Variants in RAB3C observed in about 807,000 individuals in gnomAD.
RAB3C encodes RAB3C, member RAS oncogene family.
RAB3C carries 17 observed loss-of-function variants against 26.4 expected under a neutral mutation model. That is an observed-to-expected ratio of 0.64 (90% CI 0.44 to 0.97). The LOEUF is 0.97. Ranked by LOEUF, RAB3C falls within the 50% of genes least tolerant of loss-of-function variation. The pLI, the probability that RAB3C is intolerant of heterozygous loss-of-function variation, is 0.00. For missense variants in RAB3C, 242 were observed against 281.9 expected (o/e 0.86, Z 1.01); for synonymous variants, 91 against 95.9 (o/e 0.95, Z 0.30).
intron 3 of RAB3C, among the ~76,000 whole-genome samples, chr5:58,792,522 A>G (rs1742550731): frequency 2.6e-5 from 4 of 152,134 alleles, no homozygotes; most frequent in Admixed American, 2.6e-4. Context: ...GCAAGGGACT[A>G]GTACAGTGCA....
chr5:58,743,207 G>A (rs995535844), intron 3 of RAB3C, among the ~76,000 whole-genome samples: 1 of 152,156 alleles, frequency 6.6e-6, no homozygotes, highest in Non-Finnish European at 1.5e-5. Flanking sequence ...ATGAGGAAAA[G>A]AGGAGAAAAA....
At chr5:58,828,835 G>A (rs921298641) in intron 4 of RAB3C, among the ~76,000 whole-genome samples, 3 of 101,450 alleles carry the variant, frequency 3.0e-5, no homozygotes, top group Non-Finnish European at 6.6e-5. Flanking sequence ...CGAGTGTTTG[G>A]AGAGGGTAGG....
chr5:58,845,226 A>G (rs1024064402), intron 4 of RAB3C, among the ~76,000 whole-genome samples: 4 of 152,060 alleles, frequency 2.6e-5, no homozygotes, highest in African/African-American at 9.7e-5. Context: ...ATCAATGTGA[A>G]AAGGCCTCAG....
intron 2 of RAB3C, among the ~76,000 whole-genome samples, chr5:58,714,927 T>C (rs1364223041): frequency 6.6e-6 from 1 of 151,964 alleles, no homozygotes; most frequent in Non-Finnish European, 1.5e-5. Flanking sequence ...AAAATATTAG[T>C]GGGCCAATTT....
At chr5:58,753,106 T>C (rs1741570142) in intron 3 of RAB3C, among the ~76,000 whole-genome samples, 1 of 152,244 alleles carries the variant, frequency 6.6e-6, no homozygotes, top group Non-Finnish European at 1.5e-5. Flanking sequence ...TAAATATTCA[T>C]TGAATCAATT....
intron 3 of RAB3C, chr5:58,784,703 A>G (rs953900051): frequency 6.6e-6 from 1 of 152,228 alleles, no homozygotes; most frequent in African/African-American, 2.4e-5. Context: ...GGGTAAGTGT[A>G]AAGAAAGAGA....
At chr5:58,727,778 A>C (rs1740922686) in intron 3 of RAB3C, among the ~76,000 whole-genome samples, 1 of 151,994 alleles carries the variant, frequency 6.6e-6, no homozygotes, top group Non-Finnish European at 1.5e-5. Context: ...GTGCTATTAT[A>C]AGTTTTCCAA....
At chr5:58,758,492 G>T (rs1283157812) in intron 3 of RAB3C, among the ~76,000 whole-genome samples, 3 of 152,072 alleles carry the variant, frequency 2.0e-5, no homozygotes, top group East Asian at 1.9e-4. Context: ...GAGTCTAAAA[G>T]AATATTTTTT....
intron 2 of RAB3C, among the ~76,000 whole-genome samples, chr5:58,711,870 G>A (rs1174867207): frequency 6.6e-6 from 1 of 152,088 alleles, no homozygotes. Flanking sequence ...TTAAAGATAG[G>A]GAGGGTGTGA....
chr5:58,712,520 C>T (rs533851600), intron 2 of RAB3C, among the ~76,000 whole-genome samples: 79 of 152,094 alleles, frequency 5.2e-4, no homozygotes, highest in African/African-American at 1.9e-3. Context: ...AAAGAATAGC[C>T]ATTTGATAGA....
chr5:58,708,908 A>C (rs1256523500), intron 2 of RAB3C, among the ~76,000 whole-genome samples: 1 of 152,232 alleles, frequency 6.6e-6, no homozygotes, highest in Non-Finnish European at 1.5e-5. Context: ...TTTCTCCAAC[A>C]ATAACATTCT....
At chr5:58,667,269 T>C (rs1344061025) in intron 2 of RAB3C, among the ~76,000 whole-genome samples, 1 of 152,198 alleles carries the variant, frequency 6.6e-6, no homozygotes, top group Non-Finnish European at 1.5e-5. Context: ...GACAGAGTTC[T>C]AGCAAGTGAG....
At chr5:58,637,385 G>C (rs1317652110) in intron 2 of RAB3C, among the ~76,000 whole-genome samples, 1 of 151,868 alleles carries the variant, frequency 6.6e-6, no homozygotes, top group Non-Finnish European at 1.5e-5. Flanking sequence ...TAAATGACTA[G>C]ATATTCATTA....
chr5:58,677,031 G>C (rs1257805679), intron 2 of RAB3C, among the ~76,000 whole-genome samples: 3 of 152,088 alleles, frequency 2.0e-5, no homozygotes, highest in Admixed American at 2.0e-4. Flanking sequence ...TCAGGAGCGT[G>C]CTCCCTCTTA....
Position 58,700,970 on chromosome 5 carries a change from T to TTTTATTTA in RAB3C, c.253-24996_253-24989dup, listed in dbSNP as rs150630099. Among the ~76,000 whole-genome samples, 477 of 148,376 alleles carry TTTTATTTA rather than the reference T, an allele frequency of 3.2e-3. 3 individuals carry two copies. The highest frequency in any genetic ancestry group is 0.015 in the East Asian group (76 of 5,048). ...TTTGAGGTACTCCAGCTTAAAAATC[T>TTTTATTTA]TTTATTTATTTATTTATTTATTTAT... On this transcript the variant is annotated intron_variant, in intron 2 of 4. Coordinates refer to ENST00000282878, the MANE Select transcript of RAB3C (RefSeq NM_138453.4).
chr5:58,812,901 G>C (rs146357885), intron 3 of RAB3C, among the ~76,000 whole-genome samples: 1 of 152,168 alleles, frequency 6.6e-6, no homozygotes, highest in Non-Finnish European at 1.5e-5. Context: ...GCAGGAAAAT[G>C]TATAGGTTTC....
chr5:58,698,320 G>A (rs1748763568), intron 2 of RAB3C, among the ~76,000 whole-genome samples: 1 of 152,156 alleles, frequency 6.6e-6, no homozygotes, highest in Non-Finnish European at 1.5e-5. Flanking sequence ...GCTTCCCTTT[G>A]AGGGTAACCT....
chr5:58,789,470 G>T (rs1017580959), intron 3 of RAB3C, among the ~76,000 whole-genome samples: 4 of 152,082 alleles, frequency 2.6e-5, no homozygotes, highest in Non-Finnish European at 5.9e-5. Flanking sequence ...CTACAAAATA[G>T]CTGGCCCTGT....
intron 3 of RAB3C, chr5:58,814,652 C>T (rs568758958): frequency 7.9e-5 from 12 of 152,274 alleles, no homozygotes; most frequent in African/African-American, 2.6e-4. Flanking sequence ...AGCTGAGGAA[C>T]GTCTTACCTT....
Sources: allele counts gnomAD v4.1 joint callset (sites outside exome capture counted in the v4.1 genomes callset), GRCh38; gene constraint gnomAD v4.1.1; transcripts MANE v1.5; gene names NCBI Gene and HGNC (gene_info 2026-07-23, HGNC 2026-07-21).